Variants in TNKS observed in about 807,000 individuals in gnomAD.
TNKS encodes the protein tankyrase.
A neutral mutation model predicts 135.8 loss-of-function variants in TNKS; 72 were observed. The observed-to-expected ratio is 0.53, with a 90% confidence interval of 0.44 to 0.64. The LOEUF (loss-of-function observed/expected upper bound fraction) is 0.64, where lower values mean the gene tolerates loss of function less well. TNKS is among the 30% of genes least tolerant of loss of function. The pLI, the probability that TNKS is intolerant of heterozygous loss-of-function variation, is 0.00. For missense variants in TNKS, 1,769 were observed against 1,674.0 expected, an observed-to-expected ratio of 1.06 and a Z score of -0.99; for synonymous variants, 849 against 649.3, an observed-to-expected ratio of 1.31 and a Z score of -4.68.
intron 2 of TNKS, among the ~76,000 whole-genome samples, chr8:9,612,627 A>G (rs1015883865): frequency 7.2e-5 from 11 of 152,184 alleles, no homozygotes; most frequent in Admixed American, 7.2e-4. Flanking sequence ...GTCCTTAAGT[A>G]AGATTTTATT....
chr8:9,594,164 G>T (rs558639851), intron 2 of TNKS, among the ~76,000 whole-genome samples: 3 of 152,324 alleles, frequency 2.0e-5, no homozygotes, highest in African/African-American at 7.2e-5. Context: ...TAGGATTACA[G>T]GCATGAGCCA....
intron 18 of TNKS, among the ~76,000 whole-genome samples, chr8:9,749,277 C>A (rs566379858): frequency 6.6e-6 from 1 of 152,250 alleles, no homozygotes; most frequent in South Asian, 2.1e-4. Context: ...ATTACACTCA[C>A]CTGCCACGTG....
At chr8:9,757,404 A>C (rs1806896472) in intron 20 of TNKS, among the ~76,000 whole-genome samples, 1 of 152,190 alleles carries the variant, frequency 6.6e-6, no homozygotes, top group Non-Finnish European at 1.5e-5. Context: ...TTTGAACTAC[A>C]GTACTTAAGG....
At chr8:9,675,041 T>C (rs1802478485) in intron 3 of TNKS, among the ~76,000 whole-genome samples, 1 of 152,180 alleles carries the variant, frequency 6.6e-6, no homozygotes, top group Admixed American at 6.5e-5. Flanking sequence ...AGCAAAATAA[T>C]ACAGGTGTGT....
intron 11 of TNKS, among the ~76,000 whole-genome samples, chr8:9,713,327 T>C (rs1426924453): frequency 6.6e-6 from 1 of 152,250 alleles, no homozygotes; most frequent in Non-Finnish European, 1.5e-5. Flanking sequence ...TAATGACATT[T>C]ATAATGCTCT....
chr8:9,585,617 GA>G (rs1190349784), intron 2 of TNKS, among the ~76,000 whole-genome samples: 1 of 152,186 alleles, frequency 6.6e-6, no homozygotes, highest in East Asian at 1.9e-4. Flanking sequence ...CCTGCTGGAA[GA>G]AAAGGATTAA....
intron 5 of TNKS, among the ~76,000 whole-genome samples, chr8:9,687,659 A>G (rs1585328534): frequency 6.6e-6 from 1 of 152,188 alleles, no homozygotes; most frequent in African/African-American, 2.4e-5. Flanking sequence ...CAGCAAGATG[A>G]TAAAACTTAG....
chr8:9,691,773 T>C (rs974230104), intron 5 of TNKS, among the ~76,000 whole-genome samples: 1 of 152,210 alleles, frequency 6.6e-6, no homozygotes, highest in African/African-American at 2.4e-5. Context: ...ATATTGGTAT[T>C]TAAAATTTTT....
intron 3 of TNKS, among the ~76,000 whole-genome samples, chr8:9,636,421 T>C (rs1413910147): frequency 3.3e-5 from 5 of 152,204 alleles, no homozygotes; most frequent in African/African-American, 1.2e-4. Context: ...TTAGTGTTTA[T>C]AAAGAGCTCA....
Position 9,606,592 on chromosome 8 carries a change from C to G in TNKS, c.899-8990C>G, listed in dbSNP as rs1370491203. ...CTTAAGACCATACTTTCCTTTAATT[C>G]TTGGAATTTATTTTCTTTAAGTCTT... On this transcript the variant is annotated intron_variant, in intron 2 of 26. Coordinates refer to ENST00000310430, the MANE Select transcript of TNKS (RefSeq NM_003747.3). 3.9e-5 allele frequency among the ~76,000 whole-genome samples: 6 copies of G among 152,052 alleles called. No individual in the cohort carries two copies. In the East Asian group the frequency reaches 9.6e-4, roughly 24 times the overall value.
chr8:9,658,781 C>T (rs1326490416), intron 3 of TNKS, among the ~76,000 whole-genome samples: 1 of 152,170 alleles, frequency 6.6e-6, no homozygotes, highest in African/African-American at 2.4e-5. Flanking sequence ...TTAAAAGACA[C>T]AGACTGGCAA....
intron 12 of TNKS, among the ~76,000 whole-genome samples, chr8:9,724,941 G>A (rs773632676): frequency 6.1e-5 from 9 of 148,408 alleles, no homozygotes; most frequent in Admixed American, 2.1e-4. Flanking sequence ...TGCTGTCATC[G>A]AAAAATACTC....
At chr8:9,716,376 C>G (rs1162744746) in intron 11 of TNKS, among the ~76,000 whole-genome samples, 4 of 152,046 alleles carry the variant, frequency 2.6e-5, no homozygotes, top group Non-Finnish European at 5.9e-5. Context: ...TAAATAATAT[C>G]TGAGGTTTGA....
At chr8:9,585,232 C>A (rs1043585182) in intron 2 of TNKS, among the ~76,000 whole-genome samples, 1 of 151,328 alleles carries the variant, frequency 6.6e-6, no homozygotes, top group East Asian at 1.9e-4. Context: ...TGGAAGCTTA[C>A]GTGTGAGATG....
chr8:9,736,426 G>T (rs987907651), intron 17 of TNKS, among the ~76,000 whole-genome samples: 1 of 151,774 alleles, frequency 6.6e-6, no homozygotes. Flanking sequence ...GGAATTACTA[G>T]CTAAAACCTC....
intron 2 of TNKS, among the ~76,000 whole-genome samples, chr8:9,610,302 TA>T: frequency 6.6e-6 from 1 of 151,032 alleles, no homozygotes; most frequent in African/African-American, 2.4e-5. Context: ...ATCTATAATA[TA>T]TATATACTGT....
intron 5 of TNKS, among the ~76,000 whole-genome samples, chr8:9,704,201 A>C (rs898731010): frequency 6.6e-6 from 1 of 152,154 alleles, no homozygotes; most frequent in Non-Finnish European, 1.5e-5. Context: ...ATGTTTTTCA[A>C]TCTTTCCTAT....
At position 9,649,237 on chromosome 8, in the gene TNKS, A is replaced by G. The variant is rs527814991; in HGVS notation, c.995-30714A>G. 2.0e-5 allele frequency among the ~76,000 whole-genome samples: 3 copies of G among 152,322 alleles called. No individual in the cohort carries two copies. The East Asian group carries it at 5.8e-4, about 29-fold the overall frequency. ...ACTTGAACTACCATAGGAAGAAGAA[A>G]AAGTTTTGACAGCAGTCAGTCAACC... is the stretch of plus-strand genomic sequence containing the variant. On this transcript the variant is annotated intron_variant, in intron 3 of 26. Coordinates refer to ENST00000310430, the MANE Select transcript of TNKS (RefSeq NM_003747.3).
intron 2 of TNKS, among the ~76,000 whole-genome samples, chr8:9,604,727 A>T (rs996073561): frequency 6.6e-6 from 1 of 151,862 alleles, no homozygotes; most frequent in Non-Finnish European, 1.5e-5. Flanking sequence ...AATCTGTGGC[A>T]TTAGCTCTGT....
Sources: allele counts gnomAD v4.1 joint callset (sites outside exome capture counted in the v4.1 genomes callset), GRCh38; gene constraint gnomAD v4.1.1; transcripts MANE v1.5; gene names NCBI Gene and HGNC (gene_info 2026-07-23, HGNC 2026-07-21).